The following CEP128 variants were observed in gnomAD, a reference collection of about 807,000 sequenced individuals.
The protein encoded by CEP128 is centrosomal protein 128kDa.
In CEP128, 132 loss-of-function variants were observed where a neutral mutation model predicts 156.7. The ratio of observed to expected loss-of-function variants is 0.84; its 90% CI spans 0.73 to 0.97. The LOEUF (loss-of-function observed/expected upper bound fraction) is 0.97. Among genes scored for constraint, CEP128 ranks in the 50% least tolerant of loss-of-function variants. CEP128 has a pLI of 0.00. For synonymous variants in CEP128, 469 were observed against 448.9 expected, an observed-to-expected ratio of 1.04 and a Z score of -0.57; for missense variants, 1,252 against 1,281.9, an observed-to-expected ratio of 0.98 and a Z score of 0.36.
At chr14:80,799,457 G>C (rs1883700179) in intron 13 of CEP128, among the ~76,000 whole-genome samples, 1 of 152,186 alleles carries the variant, frequency 6.6e-6, no homozygotes, top group South Asian at 2.1e-4. Context: ...AAAAAGAACA[G>C]AGTAACAGCG....
chr14:80,904,645 T>C (rs1466182027), intron 6 of CEP128, among the ~76,000 whole-genome samples, 168 bp downstream of exon 6: 1 of 152,034 alleles, frequency 6.6e-6, no homozygotes, highest in Non-Finnish European at 1.5e-5. Flanking sequence ...AAAACAATAA[T>C]AAAAAGTAAA....
At chr14:80,824,374 T>A (rs1431337493) in intron 13 of CEP128, among the ~76,000 whole-genome samples, 1 of 152,208 alleles carries the variant, frequency 6.6e-6, no homozygotes, top group African/African-American at 2.4e-5. Flanking sequence ...AGCTTGAATT[T>A]CTCCTCAGAA....
At chr14:80,954,792 A>AT (rs1262216258) in intron 2 of CEP128, among the ~76,000 whole-genome samples, 2 of 152,150 alleles carry the variant, frequency 1.3e-5, no homozygotes, top group Non-Finnish European at 2.9e-5. Flanking sequence ...CTTAAGTATT[A>AT]TTTTTCTTCC....
chr14:80,678,062 A>ATATATATG (rs1262159794), intron 19 of CEP128, among the ~76,000 whole-genome samples: 1 of 62,074 alleles, frequency 1.6e-5, no homozygotes, highest in South Asian at 5.5e-4. Context: ...ATATATATAT[A>ATATATATG]TGTATATATA....
chr14:80,606,973 A>ATACATATATATACATACATG (rs1379424789), intron 19 of CEP128, among the ~76,000 whole-genome samples: 4 of 151,682 alleles, frequency 2.6e-5, no homozygotes, highest in Non-Finnish European at 2.9e-5. Context: ...ACACACATAT[A>ATACATATATATACATACATG]TACATATATA....
chr14:80,714,484 CAT>C (rs142145786), intron 19 of CEP128, among the ~76,000 whole-genome samples: 2,024 of 152,258 alleles, frequency 0.013, 54 homozygotes, highest in African/African-American at 0.046. Context: ...TGAATATACA[CAT>C]GAGTGCATGT....
At chr14:80,525,843 T>C (rs1888950898) in intron 23 of CEP128, among the ~76,000 whole-genome samples, 1 of 152,184 alleles carries the variant, frequency 6.6e-6, no homozygotes, top group African/African-American at 2.4e-5. Context: ...TGTCTTTATA[T>C]CCACTGAGCA....
Position 80,785,339 on chromosome 14 carries a change from A to T in CEP128, c.1767T>A (p.His589Gln). The change falls in exon 15 of 25, where the codon CAT (histidine) becomes CAA (glutamine). Residue 589 changes from histidine to glutamine, a missense_variant. By Grantham distance (24) the His-to-Gln change is conservative. Coordinates refer to ENST00000555265, the MANE Select transcript of CEP128 (RefSeq NM_152446.5). ...GCTTTTTCAATTCGCTCTCCAGTCT[A>T]TGGATGGTATCCAGGGAATTCTTAA... The part of the protein sequence containing the change: ...LEVKNSLDTI[H>Q]RLESELKKQS... 6.2e-7 allele frequency: 1 copy of T among 1,614,136 alleles called. No homozygotes were observed.
At chr14:80,518,608 T>C (rs1888600241) in intron 23 of CEP128, among the ~76,000 whole-genome samples, 1 of 152,226 alleles carries the variant, frequency 6.6e-6, no homozygotes, top group Non-Finnish European at 1.5e-5. Context: ...TATTTTTCCT[T>C]ACAATTCTAT....
intron 19 of CEP128, among the ~76,000 whole-genome samples, chr14:80,614,528 G>A (rs1893133378): frequency 6.6e-6 from 1 of 151,584 alleles, no homozygotes; most frequent in Non-Finnish European, 1.5e-5. Flanking sequence ...TAACATCTAG[G>A]GTCTCTGTAG....
intron 13 of CEP128, among the ~76,000 whole-genome samples, chr14:80,819,160 T>C (rs1386680430): frequency 6.6e-6 from 1 of 152,018 alleles, no homozygotes; most frequent in Non-Finnish European, 1.5e-5. Flanking sequence ...GGTGCAGACC[T>C]TCTTTGAGCT....
intron 21 of CEP128, among the ~76,000 whole-genome samples, chr14:80,554,675 C>A (rs747523723): frequency 6.6e-6 from 1 of 151,912 alleles, no homozygotes; most frequent in Non-Finnish European, 1.5e-5. Context: ...TGGTTAAATT[C>A]TCCAAGACCT....
intron 18 of CEP128, among the ~76,000 whole-genome samples, chr14:80,753,541 A>C (rs1265194841): frequency 6.6e-6 from 1 of 152,164 alleles, no homozygotes; most frequent in East Asian, 1.9e-4. Context: ...GATTATCTCT[A>C]GTATGTGAGT....
At chr14:80,550,777 T>C (rs1251876119) in intron 21 of CEP128, among the ~76,000 whole-genome samples, 4 of 148,512 alleles carry the variant, frequency 2.7e-5, no homozygotes, top group African/African-American at 1.0e-4. Context: ...TTAGGTATAT[T>C]ATAAATTTTG....
At chr14:80,953,083 A>G (rs1029908707) in intron 2 of CEP128, among the ~76,000 whole-genome samples, 1 of 152,224 alleles carries the variant, frequency 6.6e-6, no homozygotes, top group Admixed American at 6.5e-5. Context: ...GAAAGGAATG[A>G]TATCAGTTCT....
At chr14:80,709,930 T>G (rs550848638) in intron 19 of CEP128, among the ~76,000 whole-genome samples, 30 of 151,516 alleles carry the variant, frequency 2.0e-4, no homozygotes, top group African/African-American at 7.3e-4. Flanking sequence ...TGTATCACTA[T>G]AACAAATCTA....
At chr14:80,716,537 T>C (rs1234026659) in intron 19 of CEP128, among the ~76,000 whole-genome samples, 1 of 152,234 alleles carries the variant, frequency 6.6e-6, no homozygotes, top group Non-Finnish European at 1.5e-5. Flanking sequence ...TTCATATGCA[T>C]GAAGTTTTCA....
chr14:80,792,692 T>C (rs1450661697), intron 14 of CEP128, 68 bp downstream of exon 14: 3 of 1,327,304 alleles, frequency 2.3e-6, no homozygotes, highest in Non-Finnish European at 3.2e-6. Context: ...AAGTGTTTTT[T>C]CAAAGGATAG....
At chr14:80,949,325 G>A (rs1041150629) in intron 2 of CEP128, among the ~76,000 whole-genome samples, 16 of 152,190 alleles carry the variant, frequency 1.1e-4, no homozygotes, top group African/African-American at 3.9e-4. Flanking sequence ...TTGGAAAGAT[G>A]CAGGTAGGTG....
Sources: allele counts gnomAD v4.1 joint callset (sites outside exome capture counted in the v4.1 genomes callset), GRCh38; gene constraint gnomAD v4.1.1; transcripts MANE v1.5; gene names NCBI Gene and HGNC (gene_info 2026-07-23, HGNC 2026-07-21).